The following CHRNB3 variants were observed in gnomAD, a reference collection of about 807,000 sequenced individuals.
CHRNB3 encodes neuronal acetylcholine receptor subunit beta-3.
CHRNB3 carries 37 observed loss-of-function variants against 40.6 expected under a neutral mutation model. That is an observed-to-expected ratio of 0.91 (90% CI 0.70 to 1.20). The LOEUF (loss-of-function observed/expected upper bound fraction) is 1.20, where lower values mean the gene tolerates loss of function less well. CHRNB3 is among the 50% of genes most tolerant of loss of function. CHRNB3 has a pLI of 0.00. For missense variants in CHRNB3, 505 were observed against 551.2 expected (o/e 0.92, Z 0.84); for synonymous variants, 207 against 207.1 (o/e 1.00, Z 0.00).
At chr8:42,713,822 A>G (rs1816057881) in intron 3 of CHRNB3, among the ~76,000 whole-genome samples, 1 of 152,182 alleles carries the variant, frequency 6.6e-6, no homozygotes, top group Admixed American at 6.5e-5. Context: ...CCTGTTTTAT[A>G]GAGATAGAAG....
At chr8:42,718,273 G>T (rs1295820513) in intron 3 of CHRNB3, among the ~76,000 whole-genome samples, 1 of 152,096 alleles carries the variant, frequency 6.6e-6, no homozygotes, top group Non-Finnish European at 1.5e-5. Flanking sequence ...TCACATCTAA[G>T]ATGACTAGAG....
At chr8:42,717,892 G>A (rs1816146483) in intron 3 of CHRNB3, among the ~76,000 whole-genome samples, 1 of 148,474 alleles carries the variant, frequency 6.7e-6, no homozygotes, top group Non-Finnish European at 1.5e-5. Flanking sequence ...GAGTACAGTG[G>A]CACAATCTCG....
At position 42,731,804 on chromosome 8, in the gene CHRNB3, A is replaced by T; in HGVS notation, c.497A>T (p.Asn166Ile). 1 of 1,614,056 alleles carries T rather than the reference A, an allele frequency of 6.2e-7. No homozygotes were observed. Among genetic ancestry groups the T allele is most frequent in the Non-Finnish European group, 8.5e-7 (1 of 1,180,018 alleles). The part of the protein sequence containing the change: ...DVTFFPFDRQ[N>I]CSMKFGSWTY... ...ACGTTTTTCCCGTTCGACCGACAGA[A>T]CTGCTCCATGAAGTTTGGATCCTGG... The change falls in exon 5 of 6, where the codon AAC becomes ATC. Residue 166 changes from asparagine to isoleucine, a missense_variant. Coordinates refer to ENST00000289957, the MANE Select transcript of CHRNB3 (RefSeq NM_000749.5).
chr8:42,718,945 T>C (rs1816172505), intron 3 of CHRNB3, among the ~76,000 whole-genome samples: 1 of 152,246 alleles, frequency 6.6e-6, no homozygotes, highest in Admixed American at 6.5e-5. Context: ...TAGATTAACT[T>C]TGATATTTGG....
chr8:42,700,529 A>C (rs923358976), intron 1 of CHRNB3, among the ~76,000 whole-genome samples: 6 of 151,690 alleles, frequency 4.0e-5, no homozygotes, highest in Non-Finnish European at 8.8e-5. Flanking sequence ...CATGTTGGCC[A>C]GGCTGGTCTC....
In CHRNB3 at chr8:42,736,632, A is replaced by G. The variant is rs1318936025; in HGVS notation, c.*14A>G. On this transcript the variant is annotated 3_prime_UTR_variant, in exon 6 of 6. Transcript: ENST00000289957. ...AGTTACCATTAGGAATTTAAAAGAC[A>G]TAAGACTAAATTACACCTTAGACCT... is the stretch of plus-strand genomic sequence containing the variant. The G allele has an allele frequency of 6.2e-6, 10 of 1,613,998 alleles. No individual in the cohort carries two copies. Among genetic ancestry groups the G allele is most frequent in the South Asian group, 2.2e-5 (2 of 91,054 alleles).
intron 1 of CHRNB3, among the ~76,000 whole-genome samples, chr8:42,701,787 T>C (rs1305478617): frequency 3.3e-5 from 5 of 152,166 alleles, no homozygotes; most frequent in African/African-American, 7.2e-5. Context: ...TCCCCAGTCA[T>C]ATGCACATCT....
chr8:42,711,022 A>T (rs73633736), intron 3 of CHRNB3, among the ~76,000 whole-genome samples: 2,565 of 152,280 alleles, frequency 0.017, 75 homozygotes, highest in African/African-American at 0.059. Flanking sequence ...CTTCTTAGAT[A>T]ATTGCTTTTA....
chr8:42,703,048 G>C (rs1815844503), intron 1 of CHRNB3, among the ~76,000 whole-genome samples: 1 of 152,054 alleles, frequency 6.6e-6, no homozygotes, highest in African/African-American at 2.4e-5. Context: ...GTACTTCTTG[G>C]CTTTATTGTC....
rs1449047740 is a variant in CHRNB3, at chr8:42,708,709, T to C, written c.53-8T>C. The C allele has an allele frequency of 6.2e-7, 1 of 1,613,344 alleles. No homozygotes were observed. Among genetic ancestry groups the C allele is most frequent in the Admixed American group, 1.7e-5 (1 of 59,908 alleles). ...ATTAACCCAGGTCCACCCATGATTC[T>C]TTTACAGCCACCACAGGTTTCAACT... On this transcript the variant is annotated splice_polypyrimidine_tract_variant and splice_region_variant and intron_variant, in intron 1 of 5. Coordinates refer to ENST00000289957, the MANE Select transcript of CHRNB3 (RefSeq NM_000749.5).
chr8:42,731,724 A>T lies in CHRNB3; in HGVS notation c.417A>T (p.Gly139=), dbSNP rs1405510897. ...LMTKVIVKSN[G]TVVWTPPASY... Reference sequence around the variant, plus strand: ...CCAAGGTCATCGTGAAATCAAACGGAACTGTTGTCTGGACCCCTCCCGCCA... The same window carrying T: ...CCAAGGTCATCGTGAAATCAAACGGTACTGTTGTCTGGACCCCTCCCGCCA... The change falls in exon 5 of 6, where the codon GGA becomes GGT. Residue 139 remains glycine, a synonymous_variant. Transcript: ENST00000289957. 13 of 1,613,852 alleles carry T rather than the reference A, an allele frequency of 8.1e-6. No homozygotes were observed. The highest frequency in any genetic ancestry group is 1.1e-5 in the Non-Finnish European group (13 of 1,180,008).
At chr8:42,728,085 T>C (rs1816341750) in intron 3 of CHRNB3, among the ~76,000 whole-genome samples, 1 of 152,164 alleles carries the variant, frequency 6.6e-6, no homozygotes. Context: ...AAACCACTTT[T>C]ATTCAGAATG....
Position 42,732,032 on chromosome 8 carries a change from TC to T in CHRNB3, c.729del (p.Cys244AlafsTer7), listed in dbSNP as rs1285773868. On this transcript the variant is annotated frameshift_variant, in exon 5 of 6. Transcript: ENST00000289957. LOFTEE classifies it high-confidence loss of function. ...TTATTCTATACCCTCTTTCTCATCA[TC>T]CCCTGCCTGGGGCTGTCTTTCCTAA... is the stretch of plus-strand genomic sequence containing the variant. ...LPLFYTLFLI[I>X]PCLGLSFLTV... The T allele has an allele frequency of 6.2e-7, 1 of 1,613,960 alleles. No homozygotes were observed. Among genetic ancestry groups the T allele is most frequent in the East Asian group, 2.2e-5 (1 of 44,904 alleles).
intron 3 of CHRNB3, among the ~76,000 whole-genome samples, chr8:42,724,320 G>T (rs1164288092): frequency 6.6e-6 from 1 of 152,038 alleles, no homozygotes; most frequent in African/African-American, 2.4e-5. Flanking sequence ...ACACTTAATG[G>T]TGAACAACTA....
chr8:42,722,384 A>G (rs944747672), intron 3 of CHRNB3, among the ~76,000 whole-genome samples: 3 of 151,074 alleles, frequency 2.0e-5, no homozygotes, highest in Non-Finnish European at 4.4e-5. Context: ...AAAGAAAAGA[A>G]AAAAAAAAGA....
intron 3 of CHRNB3, among the ~76,000 whole-genome samples, chr8:42,712,871 T>TC (rs1487198605): frequency 6.7e-6 from 1 of 148,908 alleles, no homozygotes; most frequent in Non-Finnish European, 1.5e-5. Flanking sequence ...TTTTTTTTTT[T>TC]TTTTTTTTGA....
intron 1 of CHRNB3, among the ~76,000 whole-genome samples, chr8:42,703,141 T>C (rs1483779183): frequency 6.6e-6 from 1 of 151,880 alleles, no homozygotes; most frequent in African/African-American, 2.4e-5. Context: ...GATTCATCCA[T>C]GTCCGGGAGT....
intron 1 of CHRNB3, among the ~76,000 whole-genome samples, chr8:42,701,633 T>C (rs1815802686): frequency 6.6e-6 from 1 of 152,142 alleles, no homozygotes; most frequent in African/African-American, 2.4e-5. Context: ...CTAGGGACCT[T>C]ATCAATATCT....
At chr8:42,734,110 GC>G (rs1192625269) in intron 5 of CHRNB3, among the ~76,000 whole-genome samples, 1 of 150,134 alleles carries the variant, frequency 6.7e-6, no homozygotes, top group East Asian at 2.1e-4. Context: ...ACAAAAATTA[GC>G]CAGGCGTGGT....
Sources: gnomAD v4.1 joint callset for allele counts (sites outside exome capture counted in the v4.1 genomes callset) on GRCh38, gnomAD v4.1.1 for gene constraint, MANE v1.5 for transcripts, NCBI Gene and HGNC (gene_info 2026-07-23, HGNC 2026-07-21) for gene names.